SERGEF: variants seen among roughly 807,000 people sequenced by gnomAD.
SERGEF encodes the protein secretion regulating guanine nucleotide exchange factor, also known as secretion-regulating guanine nucleotide exchange factor.
SERGEF carries 51 observed loss-of-function variants against 50.0 expected under a neutral mutation model. That is an observed-to-expected ratio of 1.02 (90% confidence interval 0.81 to 1.29). The LOEUF (loss-of-function observed/expected upper bound fraction) is 1.29, where lower values mean the gene tolerates loss of function less well. Among genes scored for constraint, SERGEF ranks in the 50% most tolerant of loss-of-function variants. SERGEF has a pLI of 0.00. For missense variants in SERGEF, 521 were observed against 557.0 expected, an observed-to-expected ratio of 0.94 and a Z score of 0.65; for synonymous variants, 205 against 212.4, an observed-to-expected ratio of 0.97 and a Z score of 0.30.
chr11:17,856,527 G>A (rs1850821455), intron 10 of SERGEF: 2 of 152,152 alleles, frequency 1.3e-5, no homozygotes, highest in Admixed American at 1.3e-4. Flanking sequence ...ATCTGTTACT[G>A]AATAATTTGA....
chr11:17,984,604 G>A (rs996050153), intron 8 of SERGEF, among the ~76,000 whole-genome samples: 5 of 152,142 alleles, frequency 3.3e-5, no homozygotes, highest in Non-Finnish European at 5.9e-5. Flanking sequence ...AGTAAATATG[G>A]GAAGACCAGA....
intron 8 of SERGEF, among the ~76,000 whole-genome samples, chr11:17,964,114 G>C (rs1032530080): frequency 6.6e-6 from 1 of 152,194 alleles, no homozygotes; most frequent in African/African-American, 2.4e-5. Flanking sequence ...TGAAGGTGTA[G>C]AGATGCTACA....
intron 10 of SERGEF, among the ~76,000 whole-genome samples, chr11:17,862,880 G>T (rs1191302488): frequency 2.0e-5 from 3 of 152,228 alleles, no homozygotes; most frequent in Non-Finnish European, 4.4e-5. Flanking sequence ...TGGTAGATAA[G>T]ACAAAAGGAT....
intron 1 of SERGEF, chr11:18,010,202 T>C (rs1854168134): frequency 1.6e-6 from 1 of 638,988 alleles, no homozygotes; most frequent in South Asian, 1.8e-5. Context: ...CTTACATACA[T>C]ACATACATAA....
Position 18,008,019 on chromosome 11 carries a change from G to C in SERGEF, c.118C>G (p.Gln40Glu). Reference sequence around the variant, plus strand: ...GGTTTACAGAAGTCATTCAGTTGCTGGGGCAACAGCACATCTTCCTTATGG... The same window carrying C: ...GGTTTACAGAAGTCATTCAGTTGCTCGGGCAACAGCACATCTTCCTTATGG... ...LGHKEDVLLP[Q>E]QLNDFCKPRS... The change falls in exon 2 of 11, where the codon CAG (glutamine) becomes GAG (glutamate). Residue 40 changes from glutamine to glutamate, a missense_variant. Gln to Glu is a conservative substitution (Grantham distance 29). Transcript: ENST00000265965. The C allele has an allele frequency of 6.2e-7, 1 of 1,613,972 alleles. No individual in the cohort carries two copies. Among genetic ancestry groups the C allele is most frequent in the South Asian group, 1.1e-5 (1 of 91,078 alleles).
intron 9 of SERGEF, chr11:17,918,552 C>A: frequency 3.7e-6 from 1 of 269,346 alleles, no homozygotes; most frequent in Non-Finnish European, 7.2e-6. Flanking sequence ...AGGTGCTGTG[C>A]CAGGTGCTGT....
At chr11:17,915,982 C>T (rs142245553) in intron 9 of SERGEF, among the ~76,000 whole-genome samples, 1 of 152,364 alleles carries the variant, frequency 6.6e-6, no homozygotes, top group East Asian at 1.9e-4. Flanking sequence ...GGTTGTGCTG[C>T]AACAAGTGGT....
At position 17,988,606 on chromosome 11, in the gene SERGEF, C is replaced by A; in HGVS notation, c.835G>T (p.Ala279Ser). The A allele has an allele frequency of 6.2e-7, 1 of 1,613,992 alleles. No homozygotes were observed. Among genetic ancestry groups the A allele is most frequent in the African/African-American group, 1.3e-5 (1 of 75,032 alleles). The part of the protein sequence containing the change: ...AIWSGWTHLV[A>S]QTETGKMFTW... ...TCTGCTACTGTCTCACCTGTCTGAGCAACCAGGTGTGTCCATCCACTCCAG... is the reference window on the plus strand; with the variant it reads ...TCTGCTACTGTCTCACCTGTCTGAGAAACCAGGTGTGTCCATCCACTCCAG... Residue 279 changes from alanine to serine, a missense_variant, in exon 8 of 11, where the codon GCT becomes TCT. Physicochemically the swap from Ala to Ser is moderately conservative, Grantham distance 99 (BLOSUM62 1). Transcript: ENST00000265965.
chr11:17,894,278 AAGGAGAG>A (rs1246632301), intron 9 of SERGEF, among the ~76,000 whole-genome samples: 1 of 152,210 alleles, frequency 6.6e-6, no homozygotes, highest in East Asian at 1.9e-4. Flanking sequence ...CTTGAGAAGG[AAGGAGAG>A]AGGAGAAGAA....
At chr11:17,995,618 G>A (rs1441907481) in intron 6 of SERGEF, among the ~76,000 whole-genome samples, 178 bp downstream of exon 6, 2 of 152,144 alleles carry the variant, frequency 1.3e-5, no homozygotes, top group Non-Finnish European at 2.9e-5. Flanking sequence ...GCAGCAAAGA[G>A]GGTTGCTTCT....
intron 5 of SERGEF, among the ~76,000 whole-genome samples, chr11:17,996,699 C>T (rs1853844362): frequency 6.6e-6 from 1 of 152,094 alleles, no homozygotes; most frequent in Admixed American, 6.6e-5. Flanking sequence ...CTTTTTAAGG[C>T]TATAAACAGA....
chr11:17,895,668 GTTTA>G (rs903405798), intron 9 of SERGEF, among the ~76,000 whole-genome samples: 6 of 152,000 alleles, frequency 3.9e-5, no homozygotes, highest in Admixed American at 6.6e-5. Flanking sequence ...TTTAAATAAA[GTTTA>G]TTTATTTTTT....
intron 9 of SERGEF, among the ~76,000 whole-genome samples, chr11:17,902,301 C>T (rs530749420): frequency 5.3e-5 from 8 of 152,154 alleles, no homozygotes; most frequent in African/African-American, 1.2e-4. Context: ...GAGTCTATCA[C>T]TCTGCATGAT....
intron 9 of SERGEF, among the ~76,000 whole-genome samples, chr11:17,954,569 ATCCT>A (rs1852828786): frequency 6.6e-6 from 1 of 152,160 alleles, no homozygotes; most frequent in African/African-American, 2.4e-5. Flanking sequence ...GCACAGGTTG[ATCCT>A]TTAGCAGTTT....
At chr11:17,990,436 C>G (rs1343308104) in intron 7 of SERGEF, among the ~76,000 whole-genome samples, 1 of 152,138 alleles carries the variant, frequency 6.6e-6, no homozygotes, top group African/African-American at 2.4e-5. Context: ...TCAGGGTGTG[C>G]AAAGTATGAA....
At chr11:17,894,341 G>C (rs1274168665) in intron 9 of SERGEF, among the ~76,000 whole-genome samples, 2 of 152,154 alleles carry the variant, frequency 1.3e-5, no homozygotes, top group African/African-American at 2.4e-5. Flanking sequence ...CCTATTCTAG[G>C]TACTTTTGGT....
intron 10 of SERGEF, among the ~76,000 whole-genome samples, chr11:17,824,154 AG>A: frequency 6.6e-6 from 1 of 152,172 alleles, no homozygotes. Flanking sequence ...ACAAAAAATT[AG>A]CCGGGCGTGG....
chr11:17,931,505 T>C (rs901843759), intron 9 of SERGEF, among the ~76,000 whole-genome samples: 2 of 152,160 alleles, frequency 1.3e-5, no homozygotes, highest in Non-Finnish European at 2.9e-5. Flanking sequence ...CCATTTAATA[T>C]GTCCTACCCA....
intron 9 of SERGEF, among the ~76,000 whole-genome samples, chr11:17,912,329 A>T (rs1184266381): frequency 1.3e-5 from 2 of 152,194 alleles, no homozygotes; most frequent in Non-Finnish European, 2.9e-5. Context: ...CAAACTCAGA[A>T]ATGATATAAT....
Sources: allele counts gnomAD v4.1 joint callset (sites outside exome capture counted in the v4.1 genomes callset), GRCh38; gene constraint gnomAD v4.1.1; transcripts MANE v1.5; gene names NCBI Gene and HGNC (gene_info 2026-07-23, HGNC 2026-07-21).